The following HHIPL1 variants were observed in gnomAD, a reference collection of about 807,000 sequenced individuals.
HHIPL1 encodes HHIP like 1.
HHIPL1 carries 43 observed loss-of-function variants against 61.8 expected under a neutral mutation model. The ratio of observed to expected loss-of-function variants is 0.70; its 90% confidence interval spans 0.55 to 0.90. HHIPL1 has a LOEUF of 0.90. HHIPL1 is among the 40% of genes least tolerant of loss of function. HHIPL1 has a pLI of 0.00. For synonymous variants in HHIPL1, 482 were observed against 515.8 expected (o/e 0.93, Z 0.89); for missense variants, 1,056 against 1,157.7 (o/e 0.91, Z 1.28).
intron 8 of HHIPL1, among the ~76,000 whole-genome samples, chr14:99,673,281 T>C (rs1045131359): frequency 1.3e-5 from 2 of 151,748 alleles, no homozygotes; most frequent in African/African-American, 4.8e-5. Flanking sequence ...CACAGTTGGT[T>C]TCAGGGCTTG....
intron 7 of HHIPL1, 116 bp from the exon 8 acceptor site, chr14:99,672,201 G>A: frequency 1.3e-6 from 1 of 752,754 alleles, no homozygotes; most frequent in South Asian, 1.6e-5. Flanking sequence ...TAGGTGCATG[G>A]TGAATGGCCG....
the HHIPL1 span, among the ~76,000 whole-genome samples, chr14:99,629,278 A>G: frequency 6.6e-6 from 1 of 152,226 alleles, no homozygotes; most frequent in Non-Finnish European, 1.5e-5. Context: ...TGCCGCTGAA[A>G]ATCAGTGAAA....
chr14:99,611,197 A>T, the HHIPL1 span, among the ~76,000 whole-genome samples: 1 of 151,800 alleles, frequency 6.6e-6, no homozygotes, highest in East Asian at 1.9e-4. Context: ...TGGTTCAGTC[A>T]TGGCTGACTG....
intron 7 of HHIPL1, chr14:99,669,010 C>T (rs2056295109): frequency 2.0e-6 from 3 of 1,525,640 alleles, no homozygotes; most frequent in East Asian, 4.9e-5. Flanking sequence ...CTGCCCTAAC[C>T]CCTTGGCTGT....
intron 7 of HHIPL1, among the ~76,000 whole-genome samples, chr14:99,671,317 A>G (rs1376507888): frequency 6.6e-6 from 1 of 152,190 alleles, no homozygotes; most frequent in Non-Finnish European, 1.5e-5. Context: ...TCCTTAAGGA[A>G]CAAAAGCCCC....
the HHIPL1 span, among the ~76,000 whole-genome samples, chr14:99,637,529 G>A: frequency 6.6e-6 from 1 of 151,378 alleles, no homozygotes; most frequent in African/African-American, 2.4e-5. Context: ...CTGAGAGTGT[G>A]CCACTGTGCT....
chr14:99,645,774 C>A (rs2055822991), intron 1 of HHIPL1, among the ~76,000 whole-genome samples: 2 of 152,206 alleles, frequency 1.3e-5, no homozygotes, highest in Non-Finnish European at 2.9e-5. Flanking sequence ...CTGCCCCAGT[C>A]CCCTGGAGTC....
intron 2 of HHIPL1, among the ~76,000 whole-genome samples, chr14:99,656,352 G>A (rs960408308): frequency 7.2e-5 from 11 of 152,188 alleles, no homozygotes; most frequent in Non-Finnish European, 1.0e-4. Flanking sequence ...CCTGTGGGCT[G>A]TGTGACCTTA....
At position 99,652,169 on chromosome 14, in the gene HHIPL1, C is replaced by T. The variant is rs1047300622; in HGVS notation, c.256-55C>T. On this transcript the variant is annotated intron_variant, in intron 1 of 8. Transcript: ENST00000330710. ...AGATGGGGGACCCGCCCAAGGTAAC[C>T]TTGGGCTGGTAAGCACCTCCACAAA... 7 of 1,516,922 alleles carry T rather than the reference C, an allele frequency of 4.6e-6. No individual in the cohort carries two copies. The African/African-American group carries it at 8.3e-5, about 18-fold the overall frequency. The allele number at this position is 1,516,922 out of a possible 1,614,324, so 94.0% of individuals were successfully genotyped here.
At chr14:99,607,653 T>C in the HHIPL1 span, among the ~76,000 whole-genome samples, 5 of 152,112 alleles carry the variant, frequency 3.3e-5, no homozygotes, top group Non-Finnish European at 7.4e-5. Context: ...CCCCTCACTT[T>C]CAGGGGGAAT....
rs1362474288 is a variant in HHIPL1, at chr14:99,675,680, C to T, written c.*54C>T. ...GCCGGCGGGGGAGCCTGGCAGGGGC[C>T]GCTCCGCCCTGTGTGCGCCCAGCGG... On this transcript the variant is annotated 3_prime_UTR_variant, in exon 9 of 9. Transcript: ENST00000330710. The surrounding 1 kb of genome is among the most constrained non-coding windows in gnomAD (Gnocchi z 5.4). 78 of 1,438,214 alleles carry T rather than the reference C, an allele frequency of 5.4e-5. No individual in the cohort carries two copies. Among genetic ancestry groups the T allele is most frequent in the Non-Finnish European group, 6.4e-5 (70 of 1,092,506 alleles). The allele number at this position is 1,438,214 out of a possible 1,614,324, so 89.1% of individuals were successfully genotyped here.
At chr14:99,627,838 T>C in the HHIPL1 span, among the ~76,000 whole-genome samples, 1 of 151,682 alleles carries the variant, frequency 6.6e-6, no homozygotes, top group African/African-American at 2.4e-5. The surrounding 1 kb of genome is among the most constrained non-coding windows in gnomAD (Gnocchi z 4.4). Flanking sequence ...GAAAGGAACA[T>C]TTGGAGATGA....
Position 99,680,523 on chromosome 14 carries a change from A to G in HHIPL1, c.*4897A>G, listed in dbSNP as rs2056429405. 2 of 152,248 alleles carry G rather than the reference A, an allele frequency of 1.3e-5. No individual in the cohort carries two copies. Among genetic ancestry groups the G allele is most frequent in the Non-Finnish European group, 2.9e-5 (2 of 68,044 alleles). The allele number at this position is 152,248 out of a possible 1,614,324, so 9.4% of individuals were successfully genotyped here. On this transcript the variant is annotated 3_prime_UTR_variant, in exon 9 of 9. Coordinates refer to ENST00000330710, the MANE Select transcript of HHIPL1 (RefSeq NM_001127258.3). ...ATAATGTGAGCCAAATAGGTAATTT[A>G]AAATCTGCTTGTAGCCATGTTAAAA...
chr14:99,639,657 TTTTG>T, the HHIPL1 span, among the ~76,000 whole-genome samples: 3 of 150,410 alleles, frequency 2.0e-5, no homozygotes, highest in African/African-American at 7.4e-5. Context: ...GGCCTTGTTT[TTTTG>T]TTTGTTTTTT....
rs1284857295 is a variant in HHIPL1 at position 99,656,801 on chromosome 14, AAG to A, written c.903-197_903-196del. 6.5e-3 allele frequency among the ~76,000 whole-genome samples: 16 copies of A among 2,450 alleles called. 1 individual carries two copies. The highest frequency in any genetic ancestry group is 9.2e-3 in the African/African-American group (16 of 1,744). The allele number at this position is 2,450 out of a possible 152,430, so 1.6% of individuals were successfully genotyped here. ...AAAAAGAAAAGAAAAGAAAGAAAGA[AAG>A]AAAGAAAGAAAGAAAGAAAGAAAGA... On this transcript the variant is annotated intron_variant, in intron 2 of 8. Coordinates refer to ENST00000330710, the MANE Select transcript of HHIPL1 (RefSeq NM_001127258.3).
the HHIPL1 span, among the ~76,000 whole-genome samples, chr14:99,628,931 G>C: frequency 2.0e-5 from 3 of 152,198 alleles, no homozygotes; most frequent in Non-Finnish European, 4.4e-5. Flanking sequence ...CCAAGCCTAG[G>C]TGCCTCCCTG....
At chr14:99,619,772 G>A in the HHIPL1 span, among the ~76,000 whole-genome samples, 5 of 139,774 alleles carry the variant, frequency 3.6e-5, no homozygotes, top group South Asian at 4.9e-4. Context: ...TAGCCCAGCC[G>A]TGGTGCGTGG....
At chr14:99,662,277 A>G (rs1407651689) in intron 5 of HHIPL1, among the ~76,000 whole-genome samples, 1 of 152,140 alleles carries the variant, frequency 6.6e-6, no homozygotes, top group Non-Finnish European at 1.5e-5. Flanking sequence ...AGGGCTTCAC[A>G]GAGGAGGGGA....
chr14:99,664,738 A>G lies in HHIPL1; in HGVS notation c.1648+1717A>G, dbSNP rs141033080. ...ACCACAGAGACCAGGAAGGTGGCTC[A>G]GTGTCCCACCAAGGGAAAACATCCC... On this transcript the variant is annotated intron_variant, in intron 6 of 8. Transcript: ENST00000330710. Among the ~76,000 whole-genome samples the G allele has an allele frequency of 3.8e-3, 579 of 152,192 alleles. 4 individuals are homozygous for G. Among genetic ancestry groups the G allele is most frequent in the African/African-American group, 0.013 (523 of 41,538 alleles).
Sources: allele counts gnomAD v4.1 joint callset (sites outside exome capture counted in the v4.1 genomes callset), GRCh38; gene constraint gnomAD v4.1.1; non-coding constraint Gnocchi (gnomAD v3.1); transcripts MANE v1.5; gene names NCBI Gene and HGNC (gene_info 2026-07-23, HGNC 2026-07-21).